PFKM: variants seen among roughly 807,000 people sequenced by gnomAD.
The protein encoded by PFKM is phosphofructokinase, muscle, also known as ATP-dependent 6-phosphofructokinase, muscle type.
A neutral mutation model predicts 95.5 loss-of-function variants in PFKM; 58 were observed. The observed-to-expected ratio is 0.61, with a 90% CI of 0.49 to 0.76. The LOEUF is 0.76. Among genes scored for constraint, PFKM ranks in the 30% least tolerant of loss-of-function variants. The pLI is 0.00. For synonymous variants in PFKM, 336 were observed against 357.2 expected (o/e 0.94, Z 0.67); for missense variants, 678 against 1,005.4 (o/e 0.67, Z 4.40).
chr12:48,126,982 T>C (rs559772379), intron 2 of PFKM, among the ~76,000 whole-genome samples: 14 of 152,364 alleles, frequency 9.2e-5, no homozygotes, highest in African/African-American at 3.4e-4. Context: ...TGCCTTCAAC[T>C]TAAGGTTGTG....
At chr12:48,114,842 C>T (rs1201039601), upstream of PFKM, among the ~76,000 whole-genome samples, 3 of 151,980 alleles carry the variant, frequency 2.0e-5, no homozygotes, top group South Asian at 2.1e-4. Flanking sequence ...GAACCATTGT[C>T]GAGTTTGTAT....
chr12:48,143,843 G>A, intron 19 of PFKM, 29 bp downstream of exon 19: 2 of 1,549,752 alleles, frequency 1.3e-6, no homozygotes, highest in Non-Finnish European at 1.8e-6. Flanking sequence ...GTTCCTAAAT[G>A]AAGAAGAAAA....
intron 3 of PFKM, among the ~76,000 whole-genome samples, 196 bp downstream of exon 3, chr12:48,130,632 A>G (rs1246429942): frequency 6.6e-6 from 1 of 152,198 alleles, no homozygotes; most frequent in Admixed American, 6.5e-5. Flanking sequence ...GAGCATCTAC[A>G]AACTGGGTCT....
chr12:48,139,263 T>C, intron 11 of PFKM, 22 bp from the exon 12 acceptor site: 2 of 1,604,628 alleles, frequency 1.2e-6, no homozygotes, highest in Non-Finnish European at 1.7e-6. Flanking sequence ...GAGTTGAAAC[T>C]GTCGCTGTGC....
rs113097435 is a variant in PFKM at position 48,141,383 on chromosome 12, T to C, written c.1412+2T>C. On this transcript the variant is annotated splice_donor_variant, in intron 15 of 22. Coordinates refer to ENST00000359794, the MANE Select transcript of PFKM (RefSeq NM_000289.6). LOFTEE classifies it high-confidence loss of function. ...TGGCTCTAAACTTGGGACTAAAAGG[T>C]AAGTAGCACTGCAGAGGCACCTCCT... 1 of 1,613,184 alleles carries C rather than the reference T, an allele frequency of 6.2e-7. No homozygotes were observed. Among genetic ancestry groups the C allele is most frequent in the South Asian group, 1.1e-5 (1 of 91,062 alleles).
intron 3 of PFKM, among the ~76,000 whole-genome samples, chr12:48,110,196 A>T (rs1371367679): frequency 6.6e-6 from 1 of 152,156 alleles, no homozygotes; most frequent in African/African-American, 2.4e-5. Context: ...AGCTTTCCAG[A>T]AAAGGGGACA....
chr12:48,143,913 G>C (rs886713454), intron 19 of PFKM, 99 bp downstream of exon 19: 1 of 1,107,510 alleles, frequency 9.0e-7, no homozygotes, highest in Non-Finnish European at 1.4e-6. Flanking sequence ...GGAATCTGTA[G>C]ATATAAAGGG....
At chr12:48,137,531 A>G (rs1356128826) in intron 10 of PFKM, 190 bp from the exon 11 acceptor site, 1 of 648,084 alleles carries the variant, frequency 1.5e-6, no homozygotes, top group Admixed American at 2.5e-5. Context: ...CGATGGCAAG[A>G]ATACAGAGTC....
chr12:48,114,279 T>C (rs1947474812), intron 3 of PFKM, among the ~76,000 whole-genome samples: 1 of 152,160 alleles, frequency 6.6e-6, no homozygotes, highest in South Asian at 2.1e-4. Context: ...TTCCTGTATA[T>C]ATTTAGTGGG....
At chr12:48,125,376 CT>C (rs1948722368) in intron 2 of PFKM, 2 of 442,908 alleles carry the variant, frequency 4.5e-6, no homozygotes, top group Admixed American at 2.5e-5. Flanking sequence ...AATCCCAGGA[CT>C]TTGGGAGGCC....
chr12:48,127,199 T>G (rs1948947775), intron 2 of PFKM, among the ~76,000 whole-genome samples: 1 of 152,204 alleles, frequency 6.6e-6, no homozygotes, highest in Admixed American at 6.5e-5. Flanking sequence ...CTGGTTCTTT[T>G]GTATTTCTTG....
At chr12:48,107,075 T>C (rs1946718346) in intron 1 of PFKM, among the ~76,000 whole-genome samples, 1 of 152,136 alleles carries the variant, frequency 6.6e-6, no homozygotes, top group East Asian at 1.9e-4. Flanking sequence ...ATAGGTCCTT[T>C]ACACCCAGAT....
At chr12:48,142,130 G>A in intron 17 of PFKM, 64 bp downstream of exon 17, 1 of 1,434,320 alleles carries the variant, frequency 7.0e-7, no homozygotes, top group South Asian at 1.1e-5. Context: ...ACTGAGTGTG[G>A]TCCCAAACAG....
rs756551118 is a variant in PFKM, at chr12:48,131,328, C to G, written c.172C>G (p.Leu58Val). The G allele has an allele frequency of 1.2e-6, 2 of 1,611,922 alleles. No homozygotes were observed. Among genetic ancestry groups the G allele is most frequent in the Non-Finnish European group, 1.7e-6 (2 of 1,178,024 alleles). Reference protein sequence around the residue: ...VFFVHEGYQGLVDGGDHIKEA... With the variant: ...VFFVHEGYQGVVDGGDHIKEA... ...ATGTGTCACACAGGGTTATCAAGGC[C>G]TGGTGGATGGTGGAGATCACATCAA... Residue 58 changes from leucine (L) to valine (V), a missense_variant, in exon 4 of 23, where the codon CTG becomes GTG. Leu to Val is a conservative substitution (Grantham distance 32). Coordinates refer to ENST00000359794, the MANE Select transcript of PFKM (RefSeq NM_000289.6).
chr12:48,144,933 G>A (rs1950896179), intron 20 of PFKM, 98 bp from the exon 21 acceptor site: 5 of 881,820 alleles, frequency 5.7e-6, no homozygotes, highest in African/African-American at 1.6e-5. Context: ...TGGGCTGTAA[G>A]CCTGGGGCCC....
intron 1 of PFKM, chr12:48,119,777 G>A (rs1464124357): frequency 6.6e-6 from 1 of 152,254 alleles, no homozygotes; most frequent in African/African-American, 2.4e-5. Context: ...TGATTTTAGA[G>A]ATATGTTTTA....
At chr12:48,144,705 T>C (rs1950872870) in intron 20 of PFKM, among the ~76,000 whole-genome samples, 1 of 152,232 alleles carries the variant, frequency 6.6e-6, no homozygotes, top group African/African-American at 2.4e-5. Flanking sequence ...CAACAAAAGC[T>C]GCTGGGCTGA....
chr12:48,133,555 G>T, intron 6 of PFKM, 75 bp downstream of exon 6: 1 of 1,368,632 alleles, frequency 7.3e-7, no homozygotes, highest in Non-Finnish European at 1.0e-6. Context: ...AGCTCCTGAA[G>T]ACTAAAGCGT....
At chr12:48,110,309 G>A (rs1320641395) in intron 3 of PFKM, among the ~76,000 whole-genome samples, 1 of 152,180 alleles carries the variant, frequency 6.6e-6, no homozygotes, top group African/African-American at 2.4e-5. Context: ...GCCAGATTGT[G>A]CAGTGCCTTC....
Sources: allele counts gnomAD v4.1 joint callset (sites outside exome capture counted in the v4.1 genomes callset), GRCh38; gene constraint gnomAD v4.1.1; transcripts MANE v1.5; gene names NCBI Gene and HGNC (gene_info 2026-07-23, HGNC 2026-07-21).